Variants in NEDD4L observed in about 807,000 individuals in gnomAD.
NEDD4L encodes E3 ubiquitin-protein ligase NEDD4-like.
A neutral mutation model predicts 148.9 loss-of-function variants in NEDD4L; 54 were observed. The ratio of observed to expected loss-of-function variants is 0.36; its 90% confidence interval spans 0.29 to 0.45. The LOEUF (loss-of-function observed/expected upper bound fraction) is 0.45. Ranked by LOEUF, NEDD4L falls within the 20% of genes least tolerant of loss-of-function variation. The probability of loss-of-function intolerance (pLI) is 1.00; values close to 1 mark genes in which losing one functional copy is unlikely to be tolerated. For missense variants in NEDD4L, 856 were observed against 1,233.8 expected, an observed-to-expected ratio of 0.69 and a Z score of 4.59; for synonymous variants, 433 against 440.7, an observed-to-expected ratio of 0.98 and a Z score of 0.22.
intron 5 of NEDD4L, among the ~76,000 whole-genome samples, chr18:58,288,701 T>C (rs780969203): frequency 6.6e-6 from 1 of 151,722 alleles, no homozygotes; most frequent in Non-Finnish European, 1.5e-5. Flanking sequence ...GTCTGTTGCC[T>C]TTTTTTTTCT....
chr18:58,341,629 C>T, intron 14 of NEDD4L, 49 bp from the exon 15 acceptor site: 3 of 1,581,802 alleles, frequency 1.9e-6, no homozygotes, highest in Non-Finnish European at 2.6e-6. Context: ...TAATCACACA[C>T]ACCGGGAGAT....
At chr18:58,317,085 TTTACTC>T (rs1568673093) in intron 6 of NEDD4L, among the ~76,000 whole-genome samples, 1 of 152,258 alleles carries the variant, frequency 6.6e-6, no homozygotes, top group East Asian at 1.9e-4. Context: ...TAGCAAGTAA[TTTACTC>T]TTACTCACTC....
At chr18:58,091,587 T>C (rs1027407579) in intron 1 of NEDD4L, 2 of 152,242 alleles carry the variant, frequency 1.3e-5, no homozygotes, top group Non-Finnish European at 2.9e-5. Flanking sequence ...GGGCTTTACA[T>C]GGACTTACTC....
At chr18:58,344,131 A>G (rs1187023781) in intron 16 of NEDD4L, among the ~76,000 whole-genome samples, 1 of 152,198 alleles carries the variant, frequency 6.6e-6, no homozygotes, top group Admixed American at 6.5e-5. Context: ...ATAAACATAC[A>G]CCATTAATTC....
In NEDD4L at chr18:58,107,415, G is replaced by A. The variant is rs558920639; in HGVS notation, c.49-58373G>A. Reference sequence around the variant, plus strand: ...ATGGAGGCAGGTGCTTGGTCTGGGTGATTTTTGAAAATGATTTTCAGGCCA... The same window carrying A: ...ATGGAGGCAGGTGCTTGGTCTGGGTAATTTTTGAAAATGATTTTCAGGCCA... On this transcript the variant is annotated intron_variant, in intron 1 of 30. Transcript: ENST00000400345. Among the ~76,000 whole-genome samples, 9 of 150,402 alleles carry A rather than the reference G, an allele frequency of 6.0e-5. No homozygotes were observed. The South Asian group carries it at 1.7e-3, about 28-fold the overall frequency.
intron 19 of NEDD4L, among the ~76,000 whole-genome samples, chr18:58,362,291 G>A (rs1341743520): frequency 2.0e-5 from 3 of 152,222 alleles, no homozygotes; most frequent in Non-Finnish European, 4.4e-5. Flanking sequence ...ATTTTCAGGA[G>A]TAGGGGGAAC....
At chr18:58,098,727 GTC>G (rs1246223801) in intron 1 of NEDD4L, among the ~76,000 whole-genome samples, 4 of 151,944 alleles carry the variant, frequency 2.6e-5, no homozygotes, top group Non-Finnish European at 5.9e-5. Context: ...GAAGGAATTG[GTC>G]TCTTTTATTC....
intron 1 of NEDD4L, among the ~76,000 whole-genome samples, chr18:58,096,622 T>A (rs2084429352): frequency 6.6e-6 from 1 of 151,992 alleles, no homozygotes; most frequent in South Asian, 2.1e-4. Flanking sequence ...CAGGCTGATC[T>A]TGACCTTAGA....
intron 16 of NEDD4L, among the ~76,000 whole-genome samples, chr18:58,345,923 G>GTTTT (rs72089117): frequency 9.6e-5 from 13 of 136,016 alleles, no homozygotes; most frequent in South Asian, 4.7e-4. Flanking sequence ...GTTGTTTTTT[G>GTTTT]TTTTTTGTTT....
At chr18:58,135,883 G>A (rs902333138) in intron 1 of NEDD4L, among the ~76,000 whole-genome samples, 6 of 152,178 alleles carry the variant, frequency 3.9e-5, no homozygotes, top group Non-Finnish European at 7.3e-5. Flanking sequence ...GTCTTGGCCC[G>A]TGTTTCTTGA....
At chr18:58,149,639 C>T (rs900248068) in intron 1 of NEDD4L, 3 of 897,144 alleles carry the variant, frequency 3.3e-6, no homozygotes, top group South Asian at 1.4e-5. Flanking sequence ...CACATCCACC[C>T]ATAGTCATGA....
At position 58,256,167 on chromosome 18, in the gene NEDD4L, G is replaced by T; in HGVS notation, c.297+4113G>T. 1 of 1,218,352 alleles carries T rather than the reference G, an allele frequency of 8.2e-7. No homozygotes were observed. The highest frequency in any genetic ancestry group is 1.0e-6 in the Non-Finnish European group (1 of 979,610). The allele number at this position is 1,218,352 out of a possible 1,614,324, so 75.5% of individuals were successfully genotyped here. A position where few individuals can be genotyped will look rare whatever the true frequency, so the allele number is the denominator to read the frequency against. ...GGCACGTGCGGCCGCCGCGTGCGGT[G>T]CTCCGGCCCCGTGGACTGCGCGGAG... On this transcript the variant is annotated intron_variant, in intron 5 of 30. Coordinates refer to ENST00000400345, the MANE Select transcript of NEDD4L (RefSeq NM_001144967.3). The surrounding 1 kb of genome is among the most constrained non-coding windows in gnomAD (Gnocchi z 5.2).
intron 1 of NEDD4L, among the ~76,000 whole-genome samples, chr18:58,064,373 A>T (rs2082496889): frequency 6.6e-6 from 1 of 152,222 alleles, no homozygotes; most frequent in Admixed American, 6.5e-5. Context: ...ATTTGTTACA[A>T]ATCTAATTCT....
At chr18:58,347,821 A>G (rs1239031901) in intron 16 of NEDD4L, among the ~76,000 whole-genome samples, 4 of 152,200 alleles carry the variant, frequency 2.6e-5, no homozygotes, top group Admixed American at 2.6e-4. Context: ...CAGTGATACT[A>G]TGACTTACAC....
Position 58,390,814 on chromosome 18 carries a change from A to G in NEDD4L, c.2752+72A>G. 2.7e-6 allele frequency: 3 copies of G among 1,101,340 alleles called. No individual in the cohort carries two copies. In the Admixed American group the frequency reaches 5.9e-5, roughly 22 times the overall value. The allele number at this position is 1,101,340 out of a possible 1,614,324, so 68.2% of individuals were successfully genotyped here. On this transcript the variant is annotated intron_variant, in intron 29 of 30. Coordinates refer to ENST00000400345, the MANE Select transcript of NEDD4L (RefSeq NM_001144967.3). ...GCCAGGCATGAACTCTGGCCCAAGAACCCTGCCGCCAGGCCTCTGCAGAAG... is the reference window on the plus strand; with the variant it reads ...GCCAGGCATGAACTCTGGCCCAAGAGCCCTGCCGCCAGGCCTCTGCAGAAG...
intron 2 of NEDD4L, among the ~76,000 whole-genome samples, chr18:58,200,655 A>T (rs1050549860): frequency 6.6e-6 from 1 of 152,212 alleles, no homozygotes; most frequent in Non-Finnish European, 1.5e-5. Flanking sequence ...CGTGAACCCC[A>T]TTCCTGCCCC....
intron 1 of NEDD4L, among the ~76,000 whole-genome samples, chr18:58,133,379 G>C (rs941272587): frequency 6.6e-6 from 1 of 152,138 alleles, no homozygotes; most frequent in African/African-American, 2.4e-5. Context: ...CCCAGTGAGC[G>C]GGCTCTCACC....
chr18:58,156,273 C>T (rs1406137526), intron 1 of NEDD4L, among the ~76,000 whole-genome samples: 2 of 152,180 alleles, frequency 1.3e-5, no homozygotes, highest in Non-Finnish European at 2.9e-5. Context: ...TTTGGGACTT[C>T]GGATACCCCC....
chr18:58,237,798 C>T (rs1476847174), intron 2 of NEDD4L, among the ~76,000 whole-genome samples: 2 of 152,192 alleles, frequency 1.3e-5, no homozygotes, highest in African/African-American at 2.4e-5. Flanking sequence ...GATAGATGCA[C>T]ATACAGTTGC....
Sources: gnomAD v4.1 joint callset for allele counts (sites outside exome capture counted in the v4.1 genomes callset) on GRCh38, gnomAD v4.1.1 for gene constraint, Gnocchi (gnomAD v3.1) non-coding constraint, MANE v1.5 for transcripts, NCBI Gene and HGNC (gene_info 2026-07-23, HGNC 2026-07-21) for gene names.